The following MAEL variants were observed in gnomAD, a reference collection of about 807,000 sequenced individuals.
MAEL encodes the protein protein maelstrom homolog.
In MAEL, 46 loss-of-function variants were observed where a neutral mutation model predicts 62.0. That is an observed-to-expected ratio of 0.74 (90% CI 0.59 to 0.95). The LOEUF (loss-of-function observed/expected upper bound fraction) is 0.95, where lower values mean the gene tolerates loss of function less well. Ranked by LOEUF, MAEL falls within the 40% of genes least tolerant of loss-of-function variation. The pLI is 0.00. For synonymous variants in MAEL, 172 were observed against 175.5 expected, an observed-to-expected ratio of 0.98 and a Z score of 0.16; for missense variants, 497 against 526.8, an observed-to-expected ratio of 0.94 and a Z score of 0.55.
rs576626260 is a variant in MAEL, at chr1:167,012,664, G to C, written c.846-3558G>C. Reference sequence around the variant, plus strand: ...ACACTCTGACAGAGAAGAATGTATAGAAAAGTAGACCACTTTATAGAATGG... The same window carrying C: ...ACACTCTGACAGAGAAGAATGTATACAAAAGTAGACCACTTTATAGAATGG... On this transcript the variant is annotated intron_variant, in intron 8 of 11. Transcript: ENST00000367872. Among the ~76,000 whole-genome samples, 5 of 152,334 alleles carry C rather than the reference G, an allele frequency of 3.3e-5. No individual in the cohort carries two copies. The South Asian group carries it at 6.2e-4, about 19-fold the overall frequency.
chr1:167,016,176 G>T (rs1348722650), intron 8 of MAEL, 46 bp from the exon 9 acceptor site: 1 of 1,509,506 alleles, frequency 6.6e-7, no homozygotes. Flanking sequence ...AAACCTTTAA[G>T]CAGTGCTACT....
chr1:167,010,888 C>T (rs73026798), intron 8 of MAEL, among the ~76,000 whole-genome samples: 1 of 152,150 alleles, frequency 6.6e-6, no homozygotes, highest in South Asian at 2.1e-4. Flanking sequence ...GAACCTTCCT[C>T]TCTGTCAATG....
intron 1 of MAEL, among the ~76,000 whole-genome samples, chr1:166,978,397 TAATG>T (rs1456491899): frequency 6.6e-6 from 1 of 152,154 alleles, no homozygotes; most frequent in African/African-American, 2.4e-5. Context: ...GAAATATATG[TAATG>T]ATTCAAAACA....
chr1:167,001,347 C>G (rs1260155308), intron 5 of MAEL, among the ~76,000 whole-genome samples: 2 of 152,156 alleles, frequency 1.3e-5, no homozygotes, highest in African/African-American at 4.8e-5. Context: ...CAAAATCTCA[C>G]AAGTCACCAC....
chr1:166,999,698 G>A (rs569591803), intron 5 of MAEL, among the ~76,000 whole-genome samples: 1 of 152,204 alleles, frequency 6.6e-6, no homozygotes, highest in African/African-American at 2.4e-5. Context: ...GACACCATCT[G>A]GGAGTTTCAT....
intron 1 of MAEL, among the ~76,000 whole-genome samples, chr1:166,976,727 G>T (rs182878235): frequency 2.3e-4 from 35 of 152,260 alleles, no homozygotes; most frequent in Non-Finnish European, 4.0e-4. Flanking sequence ...AGGCTGGAGG[G>T]GAGTTCCTGG....
At chr1:167,004,410 C>T in intron 6 of MAEL, 106 bp downstream of exon 6, 2 of 961,980 alleles carry the variant, frequency 2.1e-6, no homozygotes, top group Non-Finnish European at 3.0e-6. Context: ...TATTGTGTGT[C>T]TTAAAACACA....
At chr1:166,992,929 T>TA in intron 4 of MAEL, 88 bp downstream of exon 4, 1 of 1,101,332 alleles carries the variant, frequency 9.1e-7, no homozygotes. Context: ...TACTTTTTCT[T>TA]ACAAGCTCAT....
chr1:166,989,128 A>G, upstream of MAEL: 1 of 593,862 alleles, frequency 1.7e-6, no homozygotes, highest in Non-Finnish European at 2.9e-6. Flanking sequence ...GGCACCTGCG[A>G]CGGCGCTCTC....
chr1:166,991,572 C>T lies in MAEL; in HGVS notation c.325+95C>T, dbSNP rs531382012. 2.7e-5 allele frequency: 20 copies of T among 734,344 alleles called. No individual in the cohort carries two copies. The East Asian group carries it at 4.2e-4, about 15-fold the overall frequency. 45.5% of individuals were successfully genotyped at this position (734,344 alleles called of 1,614,324 possible). The stretch of plus-strand genomic sequence containing the variant: ...ATATTTTCTGTTCATTTTGATCCTC[C>T]GTTTCAAAGTAAATAACTGCAAGTG... On this transcript the variant is annotated intron_variant, in intron 3 of 11. Transcript: ENST00000367872.
chr1:167,009,142 A>ACTGTGTTTCTGT (rs1665056920), intron 8 of MAEL, among the ~76,000 whole-genome samples: 1 of 152,092 alleles, frequency 6.6e-6, no homozygotes, highest in Admixed American at 6.5e-5. Context: ...TCCTATTATT[A>ACTGTGTTTCTGT]CTGTGTTTCT....
upstream of MAEL, chr1:166,989,279 T>A: frequency 6.5e-7 from 1 of 1,536,512 alleles, no homozygotes; most frequent in Non-Finnish European, 8.8e-7. Context: ...CTACCTCTGT[T>A]ACTTAGGGCG....
intron 10 of MAEL, among the ~76,000 whole-genome samples, chr1:167,020,009 C>G (rs1182863978): frequency 6.6e-6 from 1 of 152,144 alleles, no homozygotes; most frequent in Non-Finnish European, 1.5e-5. Flanking sequence ...CCTTCATAAT[C>G]TCAATTTCAA....
intron 5 of MAEL, among the ~76,000 whole-genome samples, chr1:166,997,185 A>G (rs1445402274): frequency 2.0e-5 from 3 of 152,340 alleles, no homozygotes; most frequent in Middle Eastern, 3.4e-3. Context: ...CACTAACACT[A>G]ATAATAACTG....
At chr1:166,991,537 G>A (rs1664175408) in intron 3 of MAEL, 60 bp downstream of exon 3, 1 of 976,436 alleles carries the variant, frequency 1.0e-6, no homozygotes, top group Non-Finnish European at 1.7e-6. Flanking sequence ...CACTATATTT[G>A]TCAGTAAAAA....
chr1:166,983,240 T>C (rs1481556656), intron 1 of MAEL, among the ~76,000 whole-genome samples: 1 of 152,166 alleles, frequency 6.6e-6, no homozygotes, highest in Non-Finnish European at 1.5e-5. Context: ...CACTTGCTAC[T>C]GGAATCACTC....
At chr1:166,989,186 AGG>A, upstream of MAEL, 2 of 905,106 alleles carry the variant, frequency 2.2e-6, no homozygotes, top group Non-Finnish European at 3.3e-6. Context: ...TTCCAGTCTC[AGG>A]CTGTTTGTTC....
At chr1:166,997,755 G>A (rs1320428084) in intron 5 of MAEL, among the ~76,000 whole-genome samples, 1 of 152,022 alleles carries the variant, frequency 6.6e-6, no homozygotes, top group Non-Finnish European at 1.5e-5. Flanking sequence ...ATCATTTATG[G>A]CGTTTTGTGT....
intron 8 of MAEL, chr1:167,012,287 G>A (rs898142330): frequency 1.3e-5 from 2 of 152,142 alleles, no homozygotes; most frequent in Non-Finnish European, 2.9e-5. Flanking sequence ...GTACAGTTAG[G>A]CAAATTGAAT....
Sources: allele counts gnomAD v4.1 joint callset (sites outside exome capture counted in the v4.1 genomes callset), GRCh38; gene constraint gnomAD v4.1.1; transcripts MANE v1.5; gene names NCBI Gene and HGNC (gene_info 2026-07-23, HGNC 2026-07-21).